The following SLC25A21 variants were observed in gnomAD, a reference collection of about 807,000 sequenced individuals.
The protein encoded by SLC25A21 is solute carrier family 25 member 21, also known as mitochondrial 2-oxodicarboxylate carrier.
Under a neutral mutation model 43.8 loss-of-function variants are expected in SLC25A21, and 47 were observed. The ratio of observed to expected loss-of-function variants is 1.07; its 90% CI spans 0.85 to 1.37. The LOEUF (loss-of-function observed/expected upper bound fraction) is 1.37, where lower values mean the gene tolerates loss of function less well. Among genes scored for constraint, SLC25A21 ranks in the 40% most tolerant of loss-of-function variants. The pLI is 0.00. For missense variants in SLC25A21, 352 were observed against 350.2 expected, an observed-to-expected ratio of 1.00 and a Z score of -0.04; for synonymous variants, 131 against 121.3, an observed-to-expected ratio of 1.08 and a Z score of -0.52.
chr14:36,832,390 T>C (rs556869299), intron 2 of SLC25A21, among the ~76,000 whole-genome samples: 7 of 152,282 alleles, frequency 4.6e-5, no homozygotes, highest in African/African-American at 1.2e-4. Flanking sequence ...GTTTGGGTCG[T>C]ATGGATCATG....
chr14:37,011,479 T>C (rs914716491), intron 1 of SLC25A21, among the ~76,000 whole-genome samples: 18 of 152,214 alleles, frequency 1.2e-4, no homozygotes, highest in African/African-American at 4.1e-4. Flanking sequence ...TAGGAATAAA[T>C]TGATAAAACC....
chr14:36,990,794 T>C (rs1004554043), intron 1 of SLC25A21, among the ~76,000 whole-genome samples: 1 of 151,998 alleles, frequency 6.6e-6, no homozygotes, highest in Non-Finnish European at 1.5e-5. Context: ...GGTGGGAAGA[T>C]TGCTTGAGCC....
intron 3 of SLC25A21, among the ~76,000 whole-genome samples, chr14:36,764,075 A>AAG (rs1886275041): frequency 3.5e-5 from 1 of 28,664 alleles, no homozygotes; most frequent in African/African-American, 2.8e-4. Flanking sequence ...AAAGAAAGAA[A>AAG]GAAAGAAGGA....
intron 3 of SLC25A21, among the ~76,000 whole-genome samples, chr14:36,795,435 T>C (rs1249484400): frequency 1.3e-5 from 2 of 152,230 alleles, no homozygotes; most frequent in Non-Finnish European, 2.9e-5. Context: ...AGCAGTACCA[T>C]TCTTCTTGCC....
chr14:36,953,662 C>G (rs1469652541), intron 1 of SLC25A21, among the ~76,000 whole-genome samples: 4 of 152,012 alleles, frequency 2.6e-5, no homozygotes, highest in African/African-American at 9.7e-5. Flanking sequence ...CAAAGTTTTT[C>G]AACATAAAAA....
intron 3 of SLC25A21, among the ~76,000 whole-genome samples, chr14:36,785,938 C>T (rs1332164712): frequency 2.0e-5 from 3 of 152,172 alleles, no homozygotes; most frequent in Non-Finnish European, 4.4e-5. Context: ...GAAATAGATA[C>T]TGAAATCTTG....
chr14:37,080,503 G>A (rs1962365086), intron 1 of SLC25A21, among the ~76,000 whole-genome samples: 1 of 152,176 alleles, frequency 6.6e-6, no homozygotes. Context: ...AGGAGGCTGA[G>A]GTGGGAGGAT....
intron 6 of SLC25A21, among the ~76,000 whole-genome samples, chr14:36,724,082 CT>C (rs1354445998): frequency 2.0e-5 from 3 of 152,156 alleles, no homozygotes; most frequent in African/African-American, 7.2e-5. Flanking sequence ...TTCTTTTCCC[CT>C]CCCCCTGTTC....
At chr14:36,778,786 T>G (rs2138373050) in intron 3 of SLC25A21, among the ~76,000 whole-genome samples, 1 of 152,348 alleles carries the variant, frequency 6.6e-6, no homozygotes, top group African/African-American at 2.4e-5. Context: ...ATCAAGTTAA[T>G]TAACATATTC....
intron 1 of SLC25A21, among the ~76,000 whole-genome samples, chr14:36,901,635 T>C (rs548219726): frequency 1.3e-5 from 2 of 152,306 alleles, no homozygotes; most frequent in African/African-American, 2.4e-5. Context: ...TTGGTTTTAG[T>C]TGTAAAAGTA....
chr14:36,883,312 T>C (rs1163516294), intron 1 of SLC25A21, among the ~76,000 whole-genome samples: 1 of 152,180 alleles, frequency 6.6e-6, no homozygotes, highest in Non-Finnish European at 1.5e-5. Context: ...GCCTTTGGTC[T>C]AGCTGTTCCC....
At chr14:36,747,498 C>A (rs1479494183) in intron 3 of SLC25A21, among the ~76,000 whole-genome samples, 1 of 152,172 alleles carries the variant, frequency 6.6e-6, no homozygotes, top group Non-Finnish European at 1.5e-5. Flanking sequence ...ACAGGGCTAA[C>A]ATGACGGCAG....
chr14:36,966,142 G>A (rs1353593494), intron 1 of SLC25A21, among the ~76,000 whole-genome samples: 1 of 152,200 alleles, frequency 6.6e-6, no homozygotes, highest in East Asian at 1.9e-4. Flanking sequence ...AGGTATCCCA[G>A]TCACAGCCAT....
chr14:36,862,696 T>C lies in SLC25A21; in HGVS notation c.119+12260A>G, dbSNP rs952426118. The stretch of plus-strand genomic sequence containing the variant: ...ATGGGTGCAGCAAACCACCATGGCA[T>C]GTGTATACCTATATAACAAACCTGC... On this transcript the variant is annotated intron_variant, in intron 2 of 9. Transcript: ENST00000331299. Among the ~76,000 whole-genome samples, 12 of 152,198 alleles carry C rather than the reference T, an allele frequency of 7.9e-5. No individual in the cohort carries two copies. The East Asian group carries it at 9.7e-4, about 12-fold the overall frequency.
At chr14:37,045,859 G>A (rs1303876887) in intron 1 of SLC25A21, among the ~76,000 whole-genome samples, 6 of 152,168 alleles carry the variant, frequency 3.9e-5, no homozygotes, top group Admixed American at 3.9e-4. Context: ...AGCAATTATG[G>A]AGACTATGTT....
chr14:36,740,675 C>T (rs75785863), intron 3 of SLC25A21, among the ~76,000 whole-genome samples: 5 of 141,556 alleles, frequency 3.5e-5, no homozygotes, highest in African/African-American at 1.3e-4. Flanking sequence ...TGGGTGGCTA[C>T]GAGGTCACAG....
At chr14:36,796,067 G>A (rs893641280) in intron 3 of SLC25A21, among the ~76,000 whole-genome samples, 2 of 152,114 alleles carry the variant, frequency 1.3e-5, no homozygotes, top group Non-Finnish European at 2.9e-5. Context: ...TACTTCATTT[G>A]TTAAGAAAAT....
At chr14:37,096,885 T>A (rs545065209) in intron 1 of SLC25A21, among the ~76,000 whole-genome samples, 3 of 152,266 alleles carry the variant, frequency 2.0e-5, no homozygotes, top group African/African-American at 7.2e-5. Flanking sequence ...ATTTAGTCTG[T>A]CTAGTGAAGT....
At chr14:37,166,698 T>C (rs1964035306) in intron 1 of SLC25A21, among the ~76,000 whole-genome samples, 1 of 152,222 alleles carries the variant, frequency 6.6e-6, no homozygotes, top group South Asian at 2.1e-4. Context: ...GTAGAGTCCA[T>C]CTTGGAAACA....
Sources: gnomAD v4.1 joint callset for allele counts (sites outside exome capture counted in the v4.1 genomes callset) on GRCh38, gnomAD v4.1.1 for gene constraint, MANE v1.5 for transcripts, NCBI Gene and HGNC (gene_info 2026-07-23, HGNC 2026-07-21) for gene names.